The following TMEM182 variants were observed in gnomAD, a reference collection of about 807,000 sequenced individuals.
The protein encoded by TMEM182 is transmembrane protein 182.
In TMEM182, 20 loss-of-function variants were observed where a neutral mutation model predicts 26.8. That is an observed-to-expected ratio of 0.75 (90% CI 0.53 to 1.09). The LOEUF (loss-of-function observed/expected upper bound fraction) is 1.09. Among genes scored for constraint, TMEM182 ranks in the 50% least tolerant of loss-of-function variants. The pLI is 0.00. For missense variants in TMEM182, 277 were observed against 275.5 expected (o/e 1.01, Z -0.04); for synonymous variants, 109 against 102.2 (o/e 1.07, Z -0.40).
intron 1 of TMEM182, among the ~76,000 whole-genome samples, chr2:102,754,535 C>G (rs1160675843): frequency 6.6e-6 from 1 of 152,180 alleles, no homozygotes; most frequent in Admixed American, 6.5e-5. Flanking sequence ...CTTTGGTAAA[C>G]CATTCCAGTT....
At chr2:102,739,685 C>T (rs1031547812) in intron 1 of TMEM182, among the ~76,000 whole-genome samples, 4 of 152,140 alleles carry the variant, frequency 2.6e-5, no homozygotes, top group Admixed American at 1.3e-4. Context: ...GAGGCCTGTC[C>T]AGAAGCCAAG....
At chr2:102,804,205 G>T (rs929062153) in intron 4 of TMEM182, among the ~76,000 whole-genome samples, 8 of 151,744 alleles carry the variant, frequency 5.3e-5, no homozygotes, top group Non-Finnish European at 1.0e-4. Context: ...GGTGGTGTTT[G>T]GTTACATGAG....
chr2:102,762,822 C>G (rs975921056), intron 2 of TMEM182, 136 bp downstream of exon 2: 9 of 616,904 alleles, frequency 1.5e-5, no homozygotes, highest in African/African-American at 1.3e-4. Flanking sequence ...AAAGGTTCAT[C>G]ATGTAGAGAT....
chr2:102,800,797 TTGTGTGTGTGTGTG>T (rs71378190), intron 4 of TMEM182, among the ~76,000 whole-genome samples: 35 of 137,874 alleles, frequency 2.5e-4, no homozygotes, highest in Middle Eastern at 3.8e-3. Flanking sequence ...TTTGGACAGT[TTGTGTGTGTGTGTG>T]TGTGTGTGTG....
intron 3 of TMEM182, among the ~76,000 whole-genome samples, chr2:102,823,338 T>TA (rs1682963034): frequency 6.6e-6 from 1 of 152,154 alleles, no homozygotes; most frequent in Non-Finnish European, 1.5e-5. Flanking sequence ...CTTTATTTTT[T>TA]ATTTTTATTT....
intron 3 of TMEM182, among the ~76,000 whole-genome samples, chr2:102,826,083 G>A (rs571671241): frequency 3.9e-5 from 6 of 152,180 alleles, no homozygotes; most frequent in Non-Finnish European, 8.8e-5. Flanking sequence ...CACTCACTGA[G>A]ATTTAGTGCT....
At chr2:102,761,963 A>G (rs576762308), upstream of TMEM182, 1 of 362,136 alleles carries the variant, frequency 2.8e-6, no homozygotes, top group Non-Finnish European at 5.1e-6. Flanking sequence ...CTCAATCACT[A>G]TCTTAAAATA....
At chr2:102,830,905 A>G (rs780197333) in intron 3 of TMEM182, among the ~76,000 whole-genome samples, 49 of 152,114 alleles carry the variant, frequency 3.2e-4, no homozygotes, top group Admixed American at 3.3e-4. Flanking sequence ...CTCTATGTCC[A>G]TGAGTTCAAC....
chr2:102,814,912 T>A lies in TMEM182; in HGVS notation c.634T>A (p.Leu212Met). Residue 212 changes from leucine to methionine, a missense_variant, in exon 5 of 5, where the codon TTG becomes ATG. By Grantham distance (15) the Leu-to-Met change is conservative (BLOSUM62 2). Transcript: ENST00000412401. ...GGCCCCAGCTGGGATATTTTTTTCT[T>A]TGCTAGCTGGATTACTATTTCTGGT... ...FLAPAGIFFS[L>M]LAGLLFLVVG... 1 of 1,614,010 alleles carries A rather than the reference T, an allele frequency of 6.2e-7. No homozygotes were observed. The highest frequency in any genetic ancestry group is 2.2e-5 in the East Asian group (1 of 44,880).
At chr2:102,786,200 T>C (rs1681382394) in intron 3 of TMEM182, among the ~76,000 whole-genome samples, 1 of 146,634 alleles carries the variant, frequency 6.8e-6, no homozygotes, top group African/African-American at 2.5e-5. Context: ...TACATAGCAC[T>C]CAGCAATCTG....
chr2:102,787,289 C>G (rs1168640515), intron 3 of TMEM182, among the ~76,000 whole-genome samples: 1 of 152,194 alleles, frequency 6.6e-6, no homozygotes, highest in Non-Finnish European at 1.5e-5. Flanking sequence ...AGTCCAAGAT[C>G]AGGGTGCCAG....
chr2:102,753,347 ACT>A (rs1240316829), intron 1 of TMEM182, among the ~76,000 whole-genome samples: 15 of 152,106 alleles, frequency 9.9e-5, no homozygotes, highest in African/African-American at 3.6e-4. Flanking sequence ...TGTATAGGTG[ACT>A]CTCAATTTAA....
intron 4 of TMEM182, among the ~76,000 whole-genome samples, chr2:102,811,424 G>A (rs565189804): frequency 2.8e-4 from 42 of 152,098 alleles, no homozygotes; most frequent in African/African-American, 6.8e-4. Flanking sequence ...TATTTTCTCC[G>A]TCAAAATTAA....
intron 4 of TMEM182, among the ~76,000 whole-genome samples, chr2:102,814,328 T>A (rs1255470617): frequency 6.6e-6 from 1 of 152,108 alleles, no homozygotes; most frequent in Admixed American, 6.5e-5. Flanking sequence ...AGGTGGTAAG[T>A]GTACCTATTT....
intron 3 of TMEM182, among the ~76,000 whole-genome samples, chr2:102,792,144 C>T (rs1681675774): frequency 6.9e-6 from 1 of 145,938 alleles, no homozygotes; most frequent in Non-Finnish European, 1.5e-5. Flanking sequence ...TGTGTATGTT[C>T]ATATATATAT....
At chr2:102,839,447 C>CTATATATA (rs10691405) in intron 3 of TMEM182, among the ~76,000 whole-genome samples, 8,782 of 134,150 alleles carry the variant, frequency 0.065, 323 homozygotes, top group East Asian at 0.14. Context: ...TGATGTTTTG[C>CTATATATA]TATATATATA....
At chr2:102,753,816 C>T (rs953576161) in intron 1 of TMEM182, among the ~76,000 whole-genome samples, 1 of 152,200 alleles carries the variant, frequency 6.6e-6, no homozygotes, top group Non-Finnish European at 1.5e-5. Flanking sequence ...TTTTACTGAG[C>T]ACCTACCTTA....
intron 3 of TMEM182, among the ~76,000 whole-genome samples, chr2:102,822,800 T>C (rs531124630): frequency 1.3e-5 from 2 of 152,090 alleles, no homozygotes; most frequent in South Asian, 2.1e-4. Flanking sequence ...TGCCAGCGTA[T>C]GTGTGGAGGG....
At chr2:102,746,069 G>T (rs924641105) in intron 1 of TMEM182, among the ~76,000 whole-genome samples, 1 of 152,150 alleles carries the variant, frequency 6.6e-6, no homozygotes, top group Admixed American at 6.5e-5. Flanking sequence ...GTGTATGAGA[G>T]TTCTAATTTC....
Sources: allele counts gnomAD v4.1 joint callset (sites outside exome capture counted in the v4.1 genomes callset), GRCh38; gene constraint gnomAD v4.1.1; transcripts MANE v1.5; gene names NCBI Gene and HGNC (gene_info 2026-07-23, HGNC 2026-07-21).